EPS8L2: variants seen among roughly 807,000 people sequenced by gnomAD.
EPS8L2 encodes the protein epidermal growth factor receptor kinase substrate 8-like protein 2.
EPS8L2 carries 81 observed loss-of-function variants against 99.4 expected under a neutral mutation model. The observed-to-expected ratio is 0.82, with a 90% CI of 0.68 to 0.98. The LOEUF is 0.98. EPS8L2 is among the 50% of genes least tolerant of loss of function. The pLI is 0.00. For missense variants in EPS8L2, 1,155 were observed against 968.8 expected (o/e 1.19, Z -2.55); for synonymous variants, 509 against 407.3 (o/e 1.25, Z -3.01).
intron 4 of EPS8L2, among the ~76,000 whole-genome samples, chr11:717,902 G>A (rs1446011642): frequency 2.6e-5 from 4 of 152,054 alleles, no homozygotes; most frequent in East Asian, 1.9e-4. Flanking sequence ...CCAGCTACTC[G>A]GGAGGCTGAG....
chr11:713,817 A>AT (rs1861948941), intron 4 of EPS8L2, among the ~76,000 whole-genome samples: 1 of 152,106 alleles, frequency 6.6e-6, no homozygotes, highest in African/African-American at 2.4e-5. Flanking sequence ...AAGTGGTGGG[A>AT]TTACAGGCGT....
intron 1 of EPS8L2, among the ~76,000 whole-genome samples, chr11:708,322 G>A (rs935937908): frequency 3.9e-5 from 6 of 152,192 alleles, no homozygotes; most frequent in Admixed American, 2.6e-4. Flanking sequence ...CCATCCCCCC[G>A]GGAAGCCCCT....
Position 724,402 on chromosome 11 carries a change from C to T in EPS8L2, c.1455-322C>T, listed in dbSNP as rs552442238. Among the ~76,000 whole-genome samples the T allele has an allele frequency of 3.1e-4, 47 of 152,302 alleles. No homozygotes were observed. Among genetic ancestry groups the T allele is most frequent in the Admixed American group, 2.2e-3 (34 of 15,300 alleles). On this transcript the variant is annotated intron_variant, in intron 15 of 20. Coordinates refer to ENST00000318562, the MANE Select transcript of EPS8L2 (RefSeq NM_022772.4). This position sits in a 1 kb window ranked among gnomAD's most constrained non-coding sequence, Gnocchi z 5.5. ...CTGTGACCCTGGCGTTTCCCAGGAA[C>T]GCCCCTGGCTCTGGTTCCCCTGGGG...
chr11:720,931 G>A, intron 7 of EPS8L2, 22 bp downstream of exon 7: 1 of 1,528,248 alleles, frequency 6.5e-7, no homozygotes, highest in Non-Finnish European at 8.7e-7. Flanking sequence ...GGCGGAGCGG[G>A]GTCGCAGGGG....
intron 4 of EPS8L2, among the ~76,000 whole-genome samples, chr11:711,283 T>TGC (rs1358965413): frequency 1.3e-5 from 2 of 151,972 alleles, no homozygotes; most frequent in African/African-American, 4.8e-5. Context: ...TGTGTGTGTG[T>TGC]GTGTGTGTCT....
chr11:709,657 ACTGCATCCAGGTGGGGGACAG>A (rs1479227045), intron 3 of EPS8L2, 49 bp downstream of exon 3: 7 of 1,594,436 alleles, frequency 4.4e-6, no homozygotes, highest in Non-Finnish European at 6.0e-6. Context: ...AGAAATGGGC[ACTGCATCCAGGTGGGGGACAG>A]CTGCTCCTGC....
Position 726,886 on chromosome 11 carries a change from A to G in EPS8L2, c.2068-15A>G, listed in dbSNP as rs765589276. 11 of 1,610,690 alleles carry G rather than the reference A, an allele frequency of 6.8e-6. No homozygotes were observed. The Admixed American group carries it at 1.2e-4, about 17-fold the overall frequency. On this transcript the variant is annotated splice_polypyrimidine_tract_variant and intron_variant, in intron 20 of 20. Transcript: ENST00000318562. ...GGGACCCCCGGCTGAGGATGCCCCC[A>G]TTTCTCCTCCCTAGAAGCAGCAAAG...
At position 709,155 on chromosome 11, in the gene EPS8L2, T is replaced by TCAACTGGGACATGGGGC. The variant is rs1554949831; in HGVS notation, c.-78-165_-78-164insATGGGGCCAACTGGGAC. The TCAACTGGGACATGGGGC allele has an allele frequency of 6.1e-5, 36 of 586,708 alleles. No individual in the cohort carries two copies. The East Asian group carries it at 9.8e-4, about 16-fold the overall frequency. The allele number at this position is 586,708 out of a possible 1,614,324, so 36.3% of individuals were successfully genotyped here. A position where few individuals can be genotyped will look rare whatever the true frequency, so the allele number is the denominator to read the frequency against. ...GAGGCATGACGAGGCTGATCGACTG[T>TCAACTGGGACATGGGGC]CAACTGGGACGTGGGGCCAACTGGG... On this transcript the variant is annotated intron_variant, in intron 1 of 20. Transcript: ENST00000318562.
At position 724,513 on chromosome 11, in the gene EPS8L2, G is replaced by T. The variant is rs1862265691; in HGVS notation, c.1455-211G>T. On this transcript the variant is annotated intron_variant, in intron 15 of 20. Transcript: ENST00000318562. The surrounding 1 kb of genome is among the most constrained non-coding windows in gnomAD (Gnocchi z 5.5). ...CCTGCGCCACGCCCACCTCCTGCCT[G>T]CCCCGCCTCCACGCAGGGCCCCAAA... is the stretch of plus-strand genomic sequence containing the variant. 8.6e-6 allele frequency: 5 copies of T among 580,526 alleles called. No homozygotes were observed. Among genetic ancestry groups the T allele is most frequent in the South Asian group, 2.0e-5 (1 of 50,596 alleles). 36.0% of individuals were successfully genotyped at this position (580,526 alleles called of 1,614,324 possible). A position where few individuals can be genotyped will look rare whatever the true frequency, so the allele number is the denominator to read the frequency against.
chr11:722,087 C>T lies in EPS8L2; in HGVS notation c.985-4C>T, dbSNP rs779871705. Reference sequence around the variant, plus strand: ...GGCACCTGCTCACTTGTTCCCACCCCCAGGCAAAGCTGCAGAAGCACATCC... The same window carrying T: ...GGCACCTGCTCACTTGTTCCCACCCTCAGGCAAAGCTGCAGAAGCACATCC... On this transcript the variant is annotated splice_region_variant and splice_polypyrimidine_tract_variant and intron_variant, in intron 11 of 20. Transcript: ENST00000318562. The T allele has an allele frequency of 6.2e-6, 10 of 1,613,068 alleles. No homozygotes were observed. In the South Asian group the frequency reaches 7.7e-5, roughly 12 times the overall value.
In EPS8L2 at chr11:709,627, C is replaced by A; in HGVS notation, c.100+19C>A. On this transcript the variant is annotated intron_variant, in intron 3 of 20. Coordinates refer to ENST00000318562, the MANE Select transcript of EPS8L2 (RefSeq NM_022772.4). Reference sequence around the variant, plus strand: ...CTGTTTGGTGAGTGAGGTTTGAGAACGGGCTGGACGTCACAGGGGAGAAAT... The same window carrying A: ...CTGTTTGGTGAGTGAGGTTTGAGAAAGGGCTGGACGTCACAGGGGAGAAAT... The A allele has an allele frequency of 6.2e-7, 1 of 1,611,722 alleles. No homozygotes were observed. The highest frequency in any genetic ancestry group is 8.5e-7 in the Non-Finnish European group (1 of 1,179,602).
chr11:709,437 C>A lies in EPS8L2; in HGVS notation c.30C>A (p.Cys10Ter). 1 of 1,596,832 alleles carries A rather than the reference C, an allele frequency of 6.3e-7. No individual in the cohort carries two copies. Reference sequence around the variant, plus strand: ...GCCAGTCCGGGGCCGTGAGCTGCTGCCCGGGTGCCACCAAGTGAGCCCTCC... The same window carrying A: ...GCCAGTCCGGGGCCGTGAGCTGCTGACCGGGTGCCACCAAGTGAGCCCTCC... MSQSGAVSC[C>*]PGATNGSLGR... The change falls in exon 2 of 21, where the codon TGC becomes TGA. Residue 10 changes from cysteine to a stop codon, truncating the protein, a stop_gained. Coordinates refer to ENST00000318562, the MANE Select transcript of EPS8L2 (RefSeq NM_022772.4). LOFTEE classifies it high-confidence loss of function.
At chr11:710,601 G>A (rs1257213406) in intron 4 of EPS8L2, 115 bp downstream of exon 4, 5 of 1,027,352 alleles carry the variant, frequency 4.9e-6, no homozygotes, top group African/African-American at 1.6e-5. Context: ...TGGTGGTGCC[G>A]GCCTGTAGGC....
intron 4 of EPS8L2, among the ~76,000 whole-genome samples, chr11:719,596 C>T (rs1225930193): frequency 2.6e-5 from 4 of 152,264 alleles, no homozygotes; most frequent in Non-Finnish European, 4.4e-5. Context: ...GGAACAGTGC[C>T]TTGGAGTAGC....
chr11:721,808 AG>A lies in EPS8L2; in HGVS notation c.896-93del, dbSNP rs769078943. ...GGGGGCTACTCATGGAGGTGGAGGA[AG>A]GTCCAGCCCACACAGATGGGCTGCG... On this transcript the variant is annotated intron_variant, in intron 10 of 20. Coordinates refer to ENST00000318562, the MANE Select transcript of EPS8L2 (RefSeq NM_022772.4). 5 of 1,507,362 alleles carry A rather than the reference AG, an allele frequency of 3.3e-6. No individual in the cohort carries two copies. The South Asian group carries it at 5.8e-5, about 18-fold the overall frequency. 93.4% of individuals were successfully genotyped at this position (1,507,362 alleles called of 1,614,324 possible).
At chr11:707,873 C>G (rs574123984) in intron 1 of EPS8L2, among the ~76,000 whole-genome samples, 2 of 152,110 alleles carry the variant, frequency 1.3e-5, no homozygotes, top group African/African-American at 4.8e-5. Context: ...ACGTGCCTGG[C>G]GCCCTTGGTG....
At chr11:713,302 A>G (rs1387671691) in intron 4 of EPS8L2, among the ~76,000 whole-genome samples, 2 of 152,054 alleles carry the variant, frequency 1.3e-5, no homozygotes, top group African/African-American at 4.8e-5. Context: ...CAGCCCCATC[A>G]CTCCAAACCT....
Position 720,841 on chromosome 11 carries a change from G to T in EPS8L2, c.489G>T (p.Val163=). The change falls in exon 7 of 21, where the codon GTG becomes GTT. Residue 163 remains valine (V), a synonymous_variant. Transcript: ENST00000318562. Reference sequence around the variant, plus strand: ...GCCCGCTTTCCCAGGCAGAGCTGGTGCACGAGGACATCGAGAGCGCGTTGG... The same window carrying T: ...GCCCGCTTTCCCAGGCAGAGCTGGTTCACGAGGACATCGAGAGCGCGTTGG... ...FHCDEVEAEL[V]HEDIESALAD... The T allele has an allele frequency of 1.3e-6, 2 of 1,542,074 alleles. No individual in the cohort carries two copies. Among genetic ancestry groups the T allele is most frequent in the Non-Finnish European group, 1.7e-6 (2 of 1,146,324 alleles).
chr11:719,642 C>T (rs1261660250), intron 4 of EPS8L2, among the ~76,000 whole-genome samples: 3 of 152,224 alleles, frequency 2.0e-5, no homozygotes, highest in South Asian at 2.1e-4. Flanking sequence ...ACGTGCAGCG[C>T]GACGTTGGGT....
Sources: gnomAD v4.1 joint callset for allele counts (sites outside exome capture counted in the v4.1 genomes callset) on GRCh38, gnomAD v4.1.1 for gene constraint, Gnocchi (gnomAD v3.1) non-coding constraint, MANE v1.5 for transcripts, NCBI Gene and HGNC (gene_info 2026-07-23, HGNC 2026-07-21) for gene names.